SETX: variants seen among roughly 807,000 people sequenced by gnomAD.
SETX encodes helicase senataxin.
SETX carries 90 observed loss-of-function variants against 227.2 expected under a neutral mutation model. The ratio of observed to expected loss-of-function variants is 0.40; its 90% CI spans 0.33 to 0.47. The LOEUF (loss-of-function observed/expected upper bound fraction) is 0.47. Among genes scored for constraint, SETX ranks in the 20% least tolerant of loss-of-function variants. The probability of loss-of-function intolerance (pLI) is 0.91; values close to 1 mark genes in which losing one functional copy is unlikely to be tolerated. For synonymous variants in SETX, 1,210 were observed against 1,113.2 expected (o/e 1.09, Z -1.73); for missense variants, 3,052 against 3,181.5 (o/e 0.96, Z 0.98).
Position 132,261,853 on chromosome 9 carries a change from G to A in SETX, c.*2386C>T, listed in dbSNP as rs1160463075. 1 of 154,564 alleles carries A rather than the reference G, an allele frequency of 6.5e-6. No homozygotes were observed. Among genetic ancestry groups the A allele is most frequent in the African/African-American group, 2.4e-5 (1 of 41,494 alleles). The allele number at this position is 154,564 out of a possible 1,614,324, so 9.6% of individuals were successfully genotyped here. A position where few individuals can be genotyped will look rare whatever the true frequency, so the allele number is the denominator to read the frequency against. On this transcript the variant is annotated 3_prime_UTR_variant, in exon 26 of 26. Coordinates refer to ENST00000224140, the MANE Select transcript of SETX (RefSeq NM_015046.7). ...AATAACTAATATTGAAAGAAGACAG[G>A]GAACTTTCTTTTAATGCCATGGCAA...
chr9:132,303,370 CAT>C (rs1274212867), intron 11 of SETX, among the ~76,000 whole-genome samples: 1 of 141,750 alleles, frequency 7.1e-6, no homozygotes, highest in Non-Finnish European at 1.5e-5. Context: ...TTAATCCTTA[CAT>C]ATGTCATATA....
At position 132,298,179 on chromosome 9, in the gene SETX, A is replaced by G. The variant is rs1182517497; in HGVS notation, c.5682T>C (p.Ser1894=). The change falls in exon 13 of 26, where the codon TCT becomes TCC. Residue 1894 remains serine (S), a synonymous_variant. Coordinates refer to ENST00000224140, the MANE Select transcript of SETX (RefSeq NM_015046.7). ...CCAGTTGGTTCCGACTACCCAACAG[A>G]GACATGGCTTTCAACTTCCTTTGTG... ...VTTQRKLKAM[S]LLGSRNQLAR... is the part of the protein sequence containing the mutation. The G allele has an allele frequency of 2.5e-5, 40 of 1,614,034 alleles. No individual in the cohort carries two copies. Among genetic ancestry groups the G allele is most frequent in the Non-Finnish European group, 2.7e-5 (32 of 1,180,012 alleles).
At chr9:132,356,642 TG>T (rs1360338338), upstream of SETX, among the ~76,000 whole-genome samples, 1 of 152,022 alleles carries the variant, frequency 6.6e-6, no homozygotes, top group East Asian at 1.9e-4. Context: ...TGGGCCAGCT[TG>T]GGAAAAGTGG....
At chr9:132,318,447 C>G (rs1470506989) in intron 10 of SETX, among the ~76,000 whole-genome samples, 4 of 152,136 alleles carry the variant, frequency 2.6e-5, no homozygotes, top group Non-Finnish European at 5.9e-5. Flanking sequence ...ACATCAGCTA[C>G]AAAGGAACAC....
intron 10 of SETX, among the ~76,000 whole-genome samples, chr9:132,321,867 AAG>A (rs1365328054): frequency 6.6e-6 from 1 of 152,098 alleles, no homozygotes; most frequent in African/African-American, 2.4e-5. Context: ...GAAAAAGAAA[AAG>A]AAAAAAAGAC....
intron 15 of SETX, among the ~76,000 whole-genome samples, chr9:132,291,206 T>G (rs1028940638): frequency 2.9e-5 from 4 of 135,784 alleles, no homozygotes; most frequent in Non-Finnish European, 6.2e-5. Context: ...TTGCTCTGTC[T>G]CCTAGGCTGG....
chr9:132,278,435 ATCTTT>A (rs1843297362), intron 20 of SETX, among the ~76,000 whole-genome samples, 178 bp from the exon 21 acceptor site: 1 of 117,144 alleles, frequency 8.5e-6, no homozygotes, highest in Non-Finnish European at 1.8e-5. Context: ...AATGCCATGA[ATCTTT>A]TTTTTTTTTT....
Position 132,296,003 on chromosome 9 carries a change from T to C in SETX, c.5975A>G (p.Glu1992Gly), listed in dbSNP as rs1844647154. The C allele has an allele frequency of 6.2e-7, 1 of 1,614,096 alleles. No homozygotes were observed. The highest frequency in any genetic ancestry group is 8.5e-7 in the Non-Finnish European group (1 of 1,180,056). ...TTGTTTGATTTTGGCATTGGAGTTT[T>C]CGTCTGAATGCCCCTTCCTCTGGTT... The part of the protein sequence containing the change: ...TENQRKGHSD[E>G]NSNAKIKQNR... The change falls in exon 15 of 26, where the codon GAA becomes GGA. Residue 1992 changes from glutamate (E) to glycine (G), a missense_variant. Physicochemically the swap from Glu to Gly is moderately conservative, Grantham distance 98. This residue lies in a region of SETX where 412 missense variants were observed against 589.0 expected (regional missense o/e 0.70). Coordinates refer to ENST00000224140, the MANE Select transcript of SETX (RefSeq NM_015046.7).
chr9:132,274,446 T>C (rs917218970), intron 23 of SETX, among the ~76,000 whole-genome samples: 1 of 150,448 alleles, frequency 6.6e-6, no homozygotes, highest in Non-Finnish European at 1.5e-5. Flanking sequence ...TTTTCTTTTT[T>C]TTTTTTTTTT....
At chr9:132,342,433 CA>C (rs1304054158) in intron 5 of SETX, among the ~76,000 whole-genome samples, 1 of 152,190 alleles carries the variant, frequency 6.6e-6, no homozygotes, top group Non-Finnish European at 1.5e-5. Flanking sequence ...GAGTTCAATT[CA>C]ACATACTGAA....
chr9:132,275,908 C>A (rs1265202251), intron 22 of SETX, among the ~76,000 whole-genome samples: 3 of 152,174 alleles, frequency 2.0e-5, no homozygotes, highest in Admixed American at 2.0e-4. Context: ...CGAGCAGCTG[C>A]CATCCACACA....
chr9:132,315,478 A>G (rs1004181309), intron 10 of SETX, among the ~76,000 whole-genome samples: 1 of 151,920 alleles, frequency 6.6e-6, no homozygotes, highest in Non-Finnish European at 1.5e-5. Flanking sequence ...TCTTGCATCA[A>G]TTTCTTCCTG....
intron 2 of SETX, 54 bp from the exon 3 acceptor site, chr9:132,349,489 T>C (rs957048849): frequency 1.3e-6 from 2 of 1,557,558 alleles, no homozygotes; most frequent in Non-Finnish European, 1.8e-6. Flanking sequence ...ACCTACTGTG[T>C]GTCAAGAATA....
chr9:132,282,479 A>T (rs1221944016), intron 19 of SETX, among the ~76,000 whole-genome samples: 1 of 151,782 alleles, frequency 6.6e-6, no homozygotes, highest in Non-Finnish European at 1.5e-5. Context: ...TAGTAGAGAC[A>T]AGGTTTCACC....
intron 25 of SETX, 143 bp from the exon 26 acceptor site, chr9:132,265,128 G>A (rs1589598293): frequency 9.9e-7 from 1 of 1,010,622 alleles, no homozygotes; most frequent in Admixed American, 2.6e-5. Flanking sequence ...GTCAGACAAG[G>A]ATGAAAGGAA....
At chr9:132,286,662 C>T (rs1223200976) in intron 17 of SETX, among the ~76,000 whole-genome samples, 168 bp from the exon 18 acceptor site, 14 of 152,224 alleles carry the variant, frequency 9.2e-5, no homozygotes, top group Admixed American at 9.2e-4. Flanking sequence ...CTGTATGCTG[C>T]TGCGTAAGAC....
chr9:132,297,048 A>T lies in SETX; in HGVS notation c.5788T>A (p.Tyr1930Asn). Reference protein sequence around the residue: ...LTTTSERIIAYLRDFNEDQKK... With the variant: ...LTTTSERIIANLRDFNEDQKK... ...TGATCTTCATTGAAATCTCTTAAGT[A>T]CGCAATCTATATAAAAAACACATTT... The change falls in exon 14 of 26, where the codon TAC becomes AAC. Residue 1930 changes from tyrosine (Y) to asparagine (N), a missense_variant. Tyr to Asn is a moderately radical substitution (Grantham distance 143). Transcript: ENST00000224140. The T allele has an allele frequency of 4.3e-6, 7 of 1,611,732 alleles. No individual in the cohort carries two copies. The highest frequency in any genetic ancestry group is 5.9e-6 in the Non-Finnish European group (7 of 1,178,574).
chr9:132,351,962 A>G (rs1848626784), intron 2 of SETX, among the ~76,000 whole-genome samples: 1 of 152,236 alleles, frequency 6.6e-6, no homozygotes, highest in South Asian at 2.1e-4. Context: ...ATGCTTCACC[A>G]TAGGTATTAC....
At chr9:132,301,989 C>CT (rs1845022988) in intron 11 of SETX, among the ~76,000 whole-genome samples, 1 of 152,158 alleles carries the variant, frequency 6.6e-6, no homozygotes, top group Non-Finnish European at 1.5e-5. Flanking sequence ...AGTTCAAGGC[C>CT]TAAGACTTAA....
Sources: allele counts gnomAD v4.1 joint callset (sites outside exome capture counted in the v4.1 genomes callset), GRCh38; gene constraint gnomAD v4.1.1; regional missense constraint gnomAD v4.1.1; transcripts MANE v1.5; gene names NCBI Gene and HGNC (gene_info 2026-07-23, HGNC 2026-07-21).